TMTC1: variants seen among roughly 807,000 people sequenced by gnomAD.
TMTC1 encodes protein O-mannosyl-transferase TMTC1.
Under a neutral mutation model 104.8 loss-of-function variants are expected in TMTC1, and 73 were observed. That is an observed-to-expected ratio of 0.70 (90% CI 0.58 to 0.85). The LOEUF (loss-of-function observed/expected upper bound fraction) is 0.85, where lower values mean the gene tolerates loss of function less well. TMTC1 is among the 40% of genes least tolerant of loss of function. The pLI, the probability that TMTC1 is intolerant of heterozygous loss-of-function variation, is 0.00. For missense variants in TMTC1, 1,035 were observed against 1,096.1 expected, an observed-to-expected ratio of 0.94 and a Z score of 0.79; for synonymous variants, 434 against 428.7, an observed-to-expected ratio of 1.01 and a Z score of -0.15.
chr12:29,644,141 G>GTATATATATAA (rs1939153799), intron 5 of TMTC1, among the ~76,000 whole-genome samples: 1 of 104,612 alleles, frequency 9.6e-6, no homozygotes, highest in South Asian at 2.7e-4. Context: ...GTGTGTGTGT[G>GTATATATATAA]TGTGTGTGTA....
At chr12:29,675,202 A>T (rs950463947) in intron 5 of TMTC1, among the ~76,000 whole-genome samples, 5 of 152,190 alleles carry the variant, frequency 3.3e-5, no homozygotes, top group African/African-American at 1.2e-4. Flanking sequence ...TCTTAACACC[A>T]CATTTACAAA....
chr12:29,516,251 T>C, intron 15 of TMTC1, 98 bp downstream of exon 15: 5 of 1,438,120 alleles, frequency 3.5e-6, no homozygotes, highest in South Asian at 1.4e-5. Context: ...AGATTTAAGA[T>C]TTCCCAGGCT....
rs1175815216 is a variant in TMTC1, at chr12:29,783,663, G to A, written c.89C>T (p.Ala30Val). 7.3e-7 allele frequency: 1 copy of A among 1,367,880 alleles called. No homozygotes were observed. The highest frequency in any genetic ancestry group is 3.1e-5 in the East Asian group (1 of 32,604). 84.7% of individuals were successfully genotyped at this position (1,367,880 alleles called of 1,614,324 possible). A position where few individuals can be genotyped will look rare whatever the true frequency, so the allele number is the denominator to read the frequency against. ...RGCGLAPAGA[A>V]ALLAGASCLC... is the part of the protein sequence containing the mutation. Reference sequence around the variant, plus strand: ...GCAGCTTGCCCCGGCCAGCAGCGCCGCGGCCCCGGCCGGCGCTAGCCCGCA... The same window carrying A: ...GCAGCTTGCCCCGGCCAGCAGCGCCACGGCCCCGGCCGGCGCTAGCCCGCA... The change falls in exon 1 of 18, where the codon GCG becomes GTG. Residue 30 changes from alanine (A) to valine (V), a missense_variant. Coordinates refer to ENST00000539277, the MANE Select transcript of TMTC1 (RefSeq NM_001193451.2). The surrounding 1 kb of genome is among the most constrained non-coding windows in gnomAD (Gnocchi z 4.7).
chr12:29,517,149 C>T (rs2136148083), intron 14 of TMTC1, among the ~76,000 whole-genome samples: 1 of 152,206 alleles, frequency 6.6e-6, no homozygotes, highest in Middle Eastern at 3.4e-3. Context: ...ATAAATGAAT[C>T]AAAATGTTAC....
chr12:29,774,226 C>T (rs992178840), intron 1 of TMTC1, among the ~76,000 whole-genome samples: 4 of 152,048 alleles, frequency 2.6e-5, no homozygotes, highest in African/African-American at 7.2e-5. Context: ...GTTGATTCTC[C>T]GATCCCATCC....
intron 6 of TMTC1, among the ~76,000 whole-genome samples, chr12:29,628,795 A>G (rs1316203011): frequency 6.6e-6 from 1 of 151,958 alleles, no homozygotes; most frequent in Non-Finnish European, 1.5e-5. Flanking sequence ...CCAAGTAGCT[A>G]GAAGTACAGG....
At chr12:29,781,019 G>A (rs1467415516) in intron 1 of TMTC1, among the ~76,000 whole-genome samples, 2 of 152,150 alleles carry the variant, frequency 1.3e-5, no homozygotes, top group Non-Finnish European at 2.9e-5. Flanking sequence ...GCCAATGCTT[G>A]GTTCATAGCG....
chr12:29,770,933 A>G (rs1943581655), intron 1 of TMTC1, among the ~76,000 whole-genome samples: 1 of 152,170 alleles, frequency 6.6e-6, no homozygotes, highest in South Asian at 2.1e-4. Context: ...GATGTGATGC[A>G]TGCATCACAT....
intron 5 of TMTC1, among the ~76,000 whole-genome samples, chr12:29,668,913 C>G (rs1461340142): frequency 6.6e-6 from 1 of 152,178 alleles, no homozygotes; most frequent in Non-Finnish European, 1.5e-5. Context: ...TAAAAGTTAA[C>G]GCATGTAGTG....
In TMTC1 at chr12:29,660,857, A is replaced by C. The variant is rs755504029; in HGVS notation, c.939-27521T>G. On this transcript the variant is annotated intron_variant, in intron 5 of 17. Coordinates refer to ENST00000539277, the MANE Select transcript of TMTC1 (RefSeq NM_001193451.2). ...AAAAATGGTCTCATGGTAAGCAGGA[A>C]ATTTCTATTGCTGCTTGCTCTCAGA... 3 of 1,507,418 alleles carry C rather than the reference A, an allele frequency of 2.0e-6. No individual in the cohort carries two copies. In the South Asian group the frequency reaches 3.8e-5, roughly 19 times the overall value. The allele number at this position is 1,507,418 out of a possible 1,614,324, so 93.4% of individuals were successfully genotyped here.
intron 5 of TMTC1, among the ~76,000 whole-genome samples, chr12:29,643,843 ATATT>A (rs1939092819): frequency 1.3e-5 from 1 of 78,478 alleles, no homozygotes; most frequent in Non-Finnish European, 2.2e-5. Flanking sequence ...ATATATTTAT[ATATT>A]TATATATATT....
intron 12 of TMTC1, 71 bp from the exon 13 acceptor site, chr12:29,518,678 C>T: frequency 6.5e-7 from 1 of 1,535,620 alleles, no homozygotes; most frequent in Non-Finnish European, 8.8e-7. Context: ...TTCACTTTCT[C>T]TTCTGACTTA....
chr12:29,648,964 A>G (rs538294360), intron 5 of TMTC1, among the ~76,000 whole-genome samples: 83 of 152,198 alleles, frequency 5.5e-4, no homozygotes, highest in Non-Finnish European at 9.0e-4. Flanking sequence ...TGGGGCCCGC[A>G]GCTCCTCTGG....
intron 5 of TMTC1, among the ~76,000 whole-genome samples, chr12:29,635,537 G>A (rs1372735863): frequency 6.6e-6 from 1 of 152,206 alleles, no homozygotes; most frequent in African/African-American, 2.4e-5. Context: ...AAAAGCCGAT[G>A]AGGTCCTTTA....
intron 9 of TMTC1, among the ~76,000 whole-genome samples, chr12:29,567,017 C>T (rs1298226587): frequency 6.6e-6 from 1 of 152,212 alleles, no homozygotes; most frequent in African/African-American, 2.4e-5. Flanking sequence ...AGGCTAGACT[C>T]CCGTCCTGGA....
At chr12:29,641,579 G>T (rs1938856507) in intron 5 of TMTC1, among the ~76,000 whole-genome samples, 1 of 152,126 alleles carries the variant, frequency 6.6e-6, no homozygotes, top group African/African-American at 2.4e-5. Context: ...TGGGACAAAA[G>T]AATCTGAACA....
At chr12:29,766,731 CT>C (rs1015574406) in intron 2 of TMTC1, among the ~76,000 whole-genome samples, 1 of 152,062 alleles carries the variant, frequency 6.6e-6, no homozygotes, top group African/African-American at 2.4e-5. Context: ...GGCAGATCAG[CT>C]TCAGGGAAGC....
rs144364230 is a variant in TMTC1, at chr12:29,737,997, C to T, written c.938+13669G>A. ...TTTACTGAACAGGCAACTTATTATC[C>T]ACTCCCTTTCTTCTCCAACTGTAGA... On this transcript the variant is annotated intron_variant, in intron 5 of 17. Transcript: ENST00000539277. 5.9e-3 allele frequency among the ~76,000 whole-genome samples: 892 copies of T among 152,252 alleles called. 7 individuals are homozygous for T. Among genetic ancestry groups the T allele is most frequent in the Middle Eastern group, 0.01 (3 of 294 alleles).
chr12:29,548,944 A>T (rs2136235635), intron 10 of TMTC1, among the ~76,000 whole-genome samples: 1 of 144,550 alleles, frequency 6.9e-6, no homozygotes, highest in South Asian at 2.1e-4. Flanking sequence ...TAAATAATAT[A>T]TAATATGTAT....
Sources: allele counts gnomAD v4.1 joint callset (sites outside exome capture counted in the v4.1 genomes callset), GRCh38; gene constraint gnomAD v4.1.1; non-coding constraint Gnocchi (gnomAD v3.1); transcripts MANE v1.5; gene names NCBI Gene and HGNC (gene_info 2026-07-23, HGNC 2026-07-21).